CMIP: variants seen among roughly 807,000 people sequenced by gnomAD.
The protein encoded by CMIP is C-Maf-inducing protein.
A neutral mutation model predicts 97.3 loss-of-function variants in CMIP; 13 were observed. That is an observed-to-expected ratio of 0.13 (90% CI 0.09 to 0.21). The LOEUF is 0.21. Among genes scored for constraint, CMIP ranks in the 10% least tolerant of loss-of-function variants. The pLI is 1.00. For synonymous variants in CMIP, 538 were observed against 436.3 expected (o/e 1.23, Z -2.91); for missense variants, 847 against 1,024.9 (o/e 0.83, Z 2.37).
At chr16:81,679,579 G>T (rs1904657682) in intron 10 of CMIP, among the ~76,000 whole-genome samples, 1 of 152,010 alleles carries the variant, frequency 6.6e-6, no homozygotes. Context: ...TGTGCCGTGT[G>T]CCTGGGTGTC....
At chr16:81,705,300 G>C (rs1462913005) in intron 18 of CMIP, among the ~76,000 whole-genome samples, 199 bp from the exon 19 acceptor site, 1 of 152,232 alleles carries the variant, frequency 6.6e-6, no homozygotes, top group Non-Finnish European at 1.5e-5. Flanking sequence ...CCCAACAGCA[G>C]AAGCTGGATT....
intron 10 of CMIP, among the ~76,000 whole-genome samples, chr16:81,686,354 G>A (rs1905385840): frequency 6.6e-6 from 1 of 152,188 alleles, no homozygotes. Flanking sequence ...GCACACGACA[G>A]GCCTCAGGCT....
chr16:81,511,764 G>GT (rs1467724769), intron 1 of CMIP, among the ~76,000 whole-genome samples: 1 of 152,118 alleles, frequency 6.6e-6, no homozygotes, highest in African/African-American at 2.4e-5. Flanking sequence ...GTTTCACCAT[G>GT]TTGCCCAGGC....
intron 1 of CMIP, among the ~76,000 whole-genome samples, chr16:81,499,071 G>T: frequency 6.6e-6 from 1 of 152,340 alleles, no homozygotes; most frequent in East Asian, 1.9e-4. Flanking sequence ...AAACTGAGGT[G>T]TAGAGCAGTT....
chr16:81,447,021 C>T (rs1050297930), intron 1 of CMIP, among the ~76,000 whole-genome samples: 24 of 152,224 alleles, frequency 1.6e-4, no homozygotes, highest in Admixed American at 3.3e-4. Context: ...AGTCCCCGGT[C>T]AGGCTGGTGC....
At chr16:81,572,265 G>A (rs1207885424) in intron 1 of CMIP, among the ~76,000 whole-genome samples, 1 of 152,230 alleles carries the variant, frequency 6.6e-6, no homozygotes, top group Non-Finnish European at 1.5e-5. Flanking sequence ...AACTAGCCTG[G>A]AGTTGGGCTG....
intron 2 of CMIP, among the ~76,000 whole-genome samples, chr16:81,609,255 C>T (rs967151726): frequency 6.9e-6 from 1 of 145,370 alleles, no homozygotes; most frequent in Non-Finnish European, 1.5e-5. Context: ...TGATAGAGGT[C>T]AGTGTCACCC....
At chr16:81,695,039 A>G (rs1760422586) in intron 13 of CMIP, among the ~76,000 whole-genome samples, 1 of 152,204 alleles carries the variant, frequency 6.6e-6, no homozygotes, top group Non-Finnish European at 1.5e-5. Flanking sequence ...GGAGAACAAA[A>G]GTGGCATCAG....
chr16:81,505,582 A>G (rs748339254), intron 1 of CMIP, among the ~76,000 whole-genome samples: 2 of 152,218 alleles, frequency 1.3e-5, no homozygotes, highest in East Asian at 1.9e-4. Context: ...CAGACTGTGA[A>G]GAAAGTTATG....
chr16:81,675,411 G>T (rs977631872), intron 9 of CMIP, among the ~76,000 whole-genome samples: 7 of 147,270 alleles, frequency 4.8e-5, no homozygotes, highest in African/African-American at 1.3e-4. Flanking sequence ...TAGAGATGGG[G>T]TTTCGCCATG....
At chr16:81,466,338 G>C (rs1021431601) in intron 1 of CMIP, among the ~76,000 whole-genome samples, 4 of 152,232 alleles carry the variant, frequency 2.6e-5, no homozygotes, top group African/African-American at 9.6e-5. Context: ...TGGGATTACA[G>C]GCATGAGCCA....
rs1009552847 is a variant in CMIP at position 81,462,515 on chromosome 16, A to T, written c.300+16974A>T. 7.3e-5 allele frequency among the ~76,000 whole-genome samples: 11 copies of T among 151,270 alleles called. No individual in the cohort carries two copies. In the East Asian group the frequency reaches 2.2e-3, roughly 30 times the overall value. Reference sequence around the variant, plus strand: ...AAACATGTAAGTGATAAAAAAAAAAATGTTTCATTAAGTAGAAAGATCAAG... The same window carrying T: ...AAACATGTAAGTGATAAAAAAAAAATTGTTTCATTAAGTAGAAAGATCAAG... On this transcript the variant is annotated intron_variant, in intron 1 of 20. Transcript: ENST00000537098.
chr16:81,456,352 A>C (rs9930117), intron 1 of CMIP, among the ~76,000 whole-genome samples: 7,727 of 152,252 alleles, frequency 0.051, 433 homozygotes, highest in East Asian at 0.26. Context: ...GGAGACCTCA[A>C]GAGTTCAAGG....
chr16:81,666,106 A>G (rs1271821029), intron 7 of CMIP: 1 of 152,166 alleles, frequency 6.6e-6, no homozygotes, highest in Non-Finnish European at 1.5e-5. Context: ...TTTCTGCCTT[A>G]ATTTGGGCGC....
At chr16:81,654,196 C>T (rs902828768) in intron 4 of CMIP, among the ~76,000 whole-genome samples, 2 of 152,088 alleles carry the variant, frequency 1.3e-5, no homozygotes, top group African/African-American at 2.4e-5. Context: ...TTCAGGTGAC[C>T]GCATGACTGT....
chr16:81,672,942 TC>T (rs2092696108), intron 9 of CMIP, among the ~76,000 whole-genome samples: 1 of 152,154 alleles, frequency 6.6e-6, no homozygotes, highest in African/African-American at 2.4e-5. Context: ...GATCACAAAT[TC>T]CCTGCTCTCT....
intron 3 of CMIP, among the ~76,000 whole-genome samples, chr16:81,640,721 G>T (rs1002065705): frequency 7.4e-6 from 1 of 135,102 alleles, no homozygotes; most frequent in Non-Finnish European, 1.7e-5. Flanking sequence ...CTCCATACGT[G>T]GAGGTCTCTC....
intron 1 of CMIP, among the ~76,000 whole-genome samples, chr16:81,570,325 A>C (rs1041267317): frequency 6.6e-6 from 1 of 152,040 alleles, no homozygotes; most frequent in Non-Finnish European, 1.5e-5. Context: ...TGGCCTGGGA[A>C]CTGGCAGTAG....
chr16:81,581,332 G>T (rs537511744), intron 1 of CMIP, among the ~76,000 whole-genome samples: 1 of 152,182 alleles, frequency 6.6e-6, no homozygotes, highest in Non-Finnish European at 1.5e-5. Context: ...GAACATCCTG[G>T]AGTGTGCTCA....
Sources: gnomAD v4.1 joint callset for allele counts (sites outside exome capture counted in the v4.1 genomes callset) on GRCh38, gnomAD v4.1.1 for gene constraint, MANE v1.5 for transcripts, NCBI Gene and HGNC (gene_info 2026-07-23, HGNC 2026-07-21) for gene names.